The following PITPNC1 variants were observed in gnomAD, a reference collection of about 807,000 sequenced individuals.
PITPNC1 encodes the protein cytoplasmic phosphatidylinositol transfer protein 1.
PITPNC1 carries 18 observed loss-of-function variants against 44.7 expected under a neutral mutation model. That is an observed-to-expected ratio of 0.40 (90% CI 0.28 to 0.60). The LOEUF is 0.60. Among genes scored for constraint, PITPNC1 ranks in the 20% least tolerant of loss-of-function variants. The probability of loss-of-function intolerance (pLI) is 0.39; values close to 1 mark genes in which losing one functional copy is unlikely to be tolerated. For synonymous variants in PITPNC1, 141 were observed against 149.6 expected (o/e 0.94, Z 0.42); for missense variants, 290 against 418.4 (o/e 0.69, Z 2.68).
chr17:67,408,729 C>CCTTTCTTTCTTTCTTTCTTT (rs1191472525), intron 1 of PITPNC1: 3 of 131,272 alleles, frequency 2.3e-5, no homozygotes, highest in Admixed American at 8.1e-5. Flanking sequence ...TTCCTTCCTT[C>CCTTTCTTTCTTTCTTTCTTT]CTTTCTTTCT....
chr17:67,603,196 C>T (rs1300107251), intron 5 of PITPNC1, among the ~76,000 whole-genome samples: 1 of 152,198 alleles, frequency 6.6e-6, no homozygotes, highest in Admixed American at 6.5e-5. Context: ...ATCTAATGGC[C>T]TTTTTGCAAA....
chr17:67,673,637 C>T (rs2042549380), intron 7 of PITPNC1, among the ~76,000 whole-genome samples: 1 of 152,048 alleles, frequency 6.6e-6, no homozygotes, highest in Non-Finnish European at 1.5e-5. Flanking sequence ...TCTTGTATCT[C>T]ACACATTCAT....
chr17:67,641,484 G>C (rs1409239476), intron 6 of PITPNC1, among the ~76,000 whole-genome samples: 2 of 152,146 alleles, frequency 1.3e-5, no homozygotes, highest in Non-Finnish European at 2.9e-5. Flanking sequence ...TGTCTAGTGA[G>C]TTTTAGGTGG....
intron 6 of PITPNC1, among the ~76,000 whole-genome samples, chr17:67,646,206 G>A (rs1341296072): frequency 6.6e-6 from 1 of 152,190 alleles, no homozygotes; most frequent in East Asian, 1.9e-4. Flanking sequence ...CCCTTTCTTT[G>A]TTTAGCACTC....
chr17:67,390,030 A>G (rs535321566), intron 1 of PITPNC1, among the ~76,000 whole-genome samples: 1 of 137,296 alleles, frequency 7.3e-6, no homozygotes, highest in Non-Finnish European at 1.6e-5. Context: ...TGAGCAGAAT[A>G]GATACCCATG....
intron 5 of PITPNC1, among the ~76,000 whole-genome samples, chr17:67,617,779 C>T (rs2041778787): frequency 6.6e-6 from 1 of 152,154 alleles, no homozygotes; most frequent in South Asian, 2.1e-4. Flanking sequence ...GTGAACTGCC[C>T]TGTGCCTTAA....
chr17:67,505,573 T>C (rs2040089712), intron 1 of PITPNC1, among the ~76,000 whole-genome samples: 1 of 152,238 alleles, frequency 6.6e-6, no homozygotes, highest in South Asian at 2.1e-4. Context: ...ATGACATATT[T>C]TTCCTGTCCT....
At chr17:67,564,803 T>C (rs977495799) in intron 4 of PITPNC1, among the ~76,000 whole-genome samples, 3 of 152,218 alleles carry the variant, frequency 2.0e-5, no homozygotes, top group Non-Finnish European at 2.9e-5. Flanking sequence ...ATTTAAATTT[T>C]TTCTGCTTAC....
intron 1 of PITPNC1, among the ~76,000 whole-genome samples, chr17:67,440,288 C>T (rs577225411): frequency 2.6e-5 from 4 of 152,244 alleles, no homozygotes; most frequent in Non-Finnish European, 5.9e-5. Flanking sequence ...CGCAACCTCA[C>T]TTGTCTCCTT....
chr17:67,673,167 C>G (rs545348337), intron 7 of PITPNC1, among the ~76,000 whole-genome samples: 17 of 152,262 alleles, frequency 1.1e-4, no homozygotes, highest in African/African-American at 4.1e-4. Flanking sequence ...ATAAACACTT[C>G]ATTATAAATG....
intron 1 of PITPNC1, among the ~76,000 whole-genome samples, chr17:67,518,508 T>C (rs1268074181): frequency 2.2e-5 from 3 of 137,272 alleles, no homozygotes; most frequent in African/African-American, 7.4e-5. Context: ...CAGTACTTAT[T>C]TGGAAGAAGG....
chr17:67,470,077 C>T (rs1793851547), intron 1 of PITPNC1, among the ~76,000 whole-genome samples: 1 of 152,066 alleles, frequency 6.6e-6, no homozygotes, highest in African/African-American at 2.4e-5. Flanking sequence ...CACACACCAC[C>T]ACACTTGGCT....
intron 1 of PITPNC1, chr17:67,408,729 C>CCTTCCTTCCTTCCTTCCTTT: frequency 7.6e-6 from 1 of 131,398 alleles, no homozygotes; most frequent in Admixed American, 8.1e-5. Context: ...TTCCTTCCTT[C>CCTTCCTTCCTTCCTTCCTTT]CTTTCTTTCT....
intron 1 of PITPNC1, among the ~76,000 whole-genome samples, chr17:67,409,612 C>G (rs1185958862): frequency 6.6e-6 from 1 of 151,792 alleles, no homozygotes; most frequent in East Asian, 1.9e-4. Flanking sequence ...GATCCCAACT[C>G]ACTGCAACCT....
chr17:67,611,702 C>T (rs1424934616), intron 5 of PITPNC1: 2 of 152,204 alleles, frequency 1.3e-5, no homozygotes, highest in African/African-American at 4.8e-5. Context: ...TCTTGAACCC[C>T]CGACCTCAGG....
chr17:67,554,414 C>T (rs1009183503), intron 4 of PITPNC1, among the ~76,000 whole-genome samples: 14 of 152,116 alleles, frequency 9.2e-5, no homozygotes, highest in South Asian at 2.1e-4. Flanking sequence ...TGCACCACCA[C>T]GCCCGGCTAA....
chr17:67,447,089 CA>C (rs749024248), intron 1 of PITPNC1, among the ~76,000 whole-genome samples: 4,808 of 34,864 alleles, frequency 0.14, 25 homozygotes, highest in Middle Eastern at 0.19. Context: ...GACTCTGTCT[CA>C]AAAAAAAAAA....
chr17:67,480,939 G>T (rs569602555), intron 1 of PITPNC1, among the ~76,000 whole-genome samples: 2 of 152,330 alleles, frequency 1.3e-5, no homozygotes, highest in East Asian at 3.9e-4. Flanking sequence ...GGGTACTGTG[G>T]CTCATGCCTG....
At chr17:67,552,805 CAAAAAAAAAAA>C (rs10601654) in intron 3 of PITPNC1, among the ~76,000 whole-genome samples, 1 of 63,478 alleles carries the variant, frequency 1.6e-5, no homozygotes, top group Non-Finnish European at 3.5e-5. Flanking sequence ...GAGACTCCGT[CAAAAAAAAAAA>C]AAAAAAAAGC....
Sources: allele counts gnomAD v4.1 joint callset (sites outside exome capture counted in the v4.1 genomes callset), GRCh38; gene constraint gnomAD v4.1.1; transcripts MANE v1.5; gene names NCBI Gene and HGNC (gene_info 2026-07-23, HGNC 2026-07-21).